CACNA2D3: variants seen among roughly 807,000 people sequenced by gnomAD.
CACNA2D3 encodes voltage-dependent calcium channel subunit alpha-2/delta-3.
CACNA2D3 carries 60 observed loss-of-function variants against 160.6 expected under a neutral mutation model. The ratio of observed to expected loss-of-function variants is 0.37; its 90% CI spans 0.30 to 0.46. The LOEUF (loss-of-function observed/expected upper bound fraction) is 0.46, where lower values mean the gene tolerates loss of function less well. CACNA2D3 is among the 20% of genes least tolerant of loss of function. The probability of loss-of-function intolerance (pLI) is 1.00; values close to 1 mark genes in which losing one functional copy is unlikely to be tolerated. For missense variants in CACNA2D3, 1,205 were observed against 1,365.0 expected (o/e 0.88, Z 1.85); for synonymous variants, 558 against 492.9 (o/e 1.13, Z -1.75).
At chr3:54,343,281 T>A (rs987955075) in intron 3 of CACNA2D3, among the ~76,000 whole-genome samples, 1 of 151,874 alleles carries the variant, frequency 6.6e-6, no homozygotes. Flanking sequence ...GCTGGAGAGT[T>A]GGAATTTTCT....
intron 11 of CACNA2D3, among the ~76,000 whole-genome samples, chr3:54,648,062 A>T (rs1282437150): frequency 6.6e-6 from 1 of 152,212 alleles, no homozygotes; most frequent in Non-Finnish European, 1.5e-5. Flanking sequence ...AAGTCATGGA[A>T]TTATTTATCA....
Position 54,703,102 on chromosome 3 carries a change from AG to A in CACNA2D3, c.1168-49495del, listed in dbSNP as rs1340916238. Among the ~76,000 whole-genome samples, 14 of 152,302 alleles carry A rather than the reference AG, an allele frequency of 9.2e-5. No homozygotes were observed. The South Asian group carries it at 1.7e-3, about 18-fold the overall frequency. ...GAGGGTGGAGGGTGGGAGGAGGGTG[AG>A]GATCACAAAACTATCCACCTGGTAT... is the stretch of plus-strand genomic sequence containing the variant. On this transcript the variant is annotated intron_variant, in intron 11 of 37. Transcript: ENST00000474759.
At chr3:55,006,699 G>A (rs1177062328) in intron 32 of CACNA2D3, among the ~76,000 whole-genome samples, 1 of 110,782 alleles carries the variant, frequency 9.0e-6, no homozygotes, top group Non-Finnish European at 2.0e-5. Context: ...CCTCAGCATT[G>A]TTGTTGTTGT....
At chr3:54,551,074 G>A (rs900068084) in intron 5 of CACNA2D3, among the ~76,000 whole-genome samples, 2 of 152,188 alleles carry the variant, frequency 1.3e-5, no homozygotes, top group Admixed American at 1.3e-4. Context: ...TGAGATTGAG[G>A]ACAGACTGCA....
intron 35 of CACNA2D3, among the ~76,000 whole-genome samples, chr3:55,064,004 T>A (rs1039768916): frequency 2.0e-5 from 3 of 152,262 alleles, no homozygotes; most frequent in African/African-American, 7.2e-5. Context: ...TGACTGTTCA[T>A]GATTTTTTTA....
intron 5 of CACNA2D3, among the ~76,000 whole-genome samples, chr3:54,515,942 C>G (rs1701543825): frequency 6.6e-6 from 1 of 152,188 alleles, no homozygotes; most frequent in South Asian, 2.1e-4. Flanking sequence ...TGTTCCTGGG[C>G]CTCAGTGGAC....
rs1427668166 is a variant in CACNA2D3 at position 54,350,966 on chromosome 3, CTGTTTTTTTTTTTTTGTT to C, written c.321+30424_321+30441del. On this transcript the variant is annotated intron_variant, in intron 3 of 37. Transcript: ENST00000474759. ...CTGCTTGGATTTTGAGATCTTGAGT[CTGTTTTTTTTTTTTTGTT>C]TGTTTTTTTTTTTTTTTTTTTTGAG... Among the ~76,000 whole-genome samples, 404 of 63,282 alleles carry C rather than the reference CTGTTTTTTTTTTTTTGTT, an allele frequency of 6.4e-3. 32 individuals are homozygous for C. The highest frequency in any genetic ancestry group is 0.012 in the African/African-American group (261 of 20,990). The allele number at this position is 63,282 out of a possible 152,430, so 41.5% of individuals were successfully genotyped here.
At chr3:55,049,220 G>C (rs1231642641) in intron 35 of CACNA2D3, among the ~76,000 whole-genome samples, 16 of 150,078 alleles carry the variant, frequency 1.1e-4, no homozygotes, top group Non-Finnish European at 2.2e-4. Context: ...GATCTTTCCT[G>C]CTTTCTCTTG....
intron 4 of CACNA2D3, among the ~76,000 whole-genome samples, chr3:54,465,735 A>T (rs1156733496): frequency 6.6e-6 from 1 of 152,202 alleles, no homozygotes; most frequent in Non-Finnish European, 1.5e-5. Flanking sequence ...CAACCTAGAG[A>T]TGTACTACTT....
Position 54,829,885 on chromosome 3 carries a change from C to CTTTTTTT in CACNA2D3, c.1399-7253_1399-7247dup, listed in dbSNP as rs58291013. Among the ~76,000 whole-genome samples the CTTTTTTT allele has an allele frequency of 4.4e-4, 28 of 64,352 alleles. 3 individuals carry two copies. The highest frequency in any genetic ancestry group is 7.1e-4 in the Non-Finnish European group (25 of 35,412). 42.2% of individuals were successfully genotyped at this position (64,352 alleles called of 152,430 possible). On this transcript the variant is annotated intron_variant, in intron 14 of 37. Transcript: ENST00000474759. ...CATATCTTTTCTTCTTCTTCTTCAT[C>CTTTTTTT]TTTTTTTTTTTTTTTTTTTTTTTTT...
chr3:54,371,252 A>C (rs1477299261), intron 3 of CACNA2D3, among the ~76,000 whole-genome samples: 2 of 152,162 alleles, frequency 1.3e-5, no homozygotes, highest in Non-Finnish European at 2.9e-5. Context: ...TTGCTGGGTC[A>C]TATGGTAACT....
chr3:54,987,710 G>A lies in CACNA2D3; in HGVS notation c.2647G>A (p.Gly883Arg), dbSNP rs1553623613. 1 of 1,610,660 alleles carries A rather than the reference G, an allele frequency of 6.2e-7. No homozygotes were observed. Among genetic ancestry groups the A allele is most frequent in the Non-Finnish European group, 8.5e-7 (1 of 1,178,768 alleles). Residue 883 changes from glycine to arginine, a missense_variant, in exon 31 of 38, where the codon GGA becomes AGA. By Grantham distance (125) the Gly-to-Arg change is moderately radical (BLOSUM62 -2). Around this residue, in one of 3 missense-constraint regions of CACNA2D3, gnomAD observed 911 missense variants for 1,002.2 expected, o/e 0.91. Transcript: ENST00000474759. The part of the protein sequence containing the change: ...QTGDFFGEIE[G>R]AVMNKLLTMG... ...TGGAGACTTTTTTGGTGAGATCGAGGGAGCTGTGATGAACAAATTGCTAAC... is the reference window on the plus strand; with the variant it reads ...TGGAGACTTTTTTGGTGAGATCGAGAGAGCTGTGATGAACAAATTGCTAAC...
At chr3:54,455,051 A>G (rs963609780) in intron 4 of CACNA2D3, among the ~76,000 whole-genome samples, 5 of 152,188 alleles carry the variant, frequency 3.3e-5, no homozygotes, top group African/African-American at 1.2e-4. Flanking sequence ...GCTGTGATAA[A>G]CATGGGGGCG....
chr3:54,468,181 A>C (rs1355339195), intron 4 of CACNA2D3, among the ~76,000 whole-genome samples: 1 of 152,240 alleles, frequency 6.6e-6, no homozygotes, highest in African/African-American at 2.4e-5. Context: ...TGCAGCCCCC[A>C]GCGAGATCAA....
chr3:54,729,126 CT>C (rs757886659), intron 11 of CACNA2D3, among the ~76,000 whole-genome samples: 51 of 152,158 alleles, frequency 3.4e-4, no homozygotes, highest in Middle Eastern at 6.8e-3. Context: ...CTTTCATGCC[CT>C]TCCCTATGAT....
intron 27 of CACNA2D3, among the ~76,000 whole-genome samples, chr3:54,945,073 G>T (rs1219606155): frequency 6.6e-6 from 1 of 152,144 alleles, no homozygotes; most frequent in African/African-American, 2.4e-5. Context: ...TTGTTTGGGG[G>T]CTATAAGCTT....
intron 2 of CACNA2D3, among the ~76,000 whole-genome samples, chr3:54,304,592 A>C (rs553755123): frequency 6.6e-6 from 1 of 152,322 alleles, no homozygotes; most frequent in Non-Finnish European, 1.5e-5. Context: ...TCCCCCTTCT[A>C]TTTGATTACA....
At chr3:54,680,159 T>TA (rs111730342) in intron 11 of CACNA2D3, among the ~76,000 whole-genome samples, 464 of 144,298 alleles carry the variant, frequency 3.2e-3, no homozygotes, top group East Asian at 7.6e-3. Flanking sequence ...ATTGAGAAGC[T>TA]AAAAAAAAAA....
chr3:54,930,281 C>T (rs1173884601), intron 27 of CACNA2D3, among the ~76,000 whole-genome samples: 1 of 152,170 alleles, frequency 6.6e-6, no homozygotes, highest in Non-Finnish European at 1.5e-5. Flanking sequence ...CATATCCACT[C>T]TCCTGTTGCC....
Sources: gnomAD v4.1 joint callset for allele counts (sites outside exome capture counted in the v4.1 genomes callset) on GRCh38, gnomAD v4.1.1 for gene constraint, gnomAD v4.1.1 regional missense constraint, MANE v1.5 for transcripts, NCBI Gene and HGNC (gene_info 2026-07-23, HGNC 2026-07-21) for gene names.